The following SPAG9 variants were observed in gnomAD, a reference collection of about 807,000 sequenced individuals.
SPAG9 encodes sperm associated antigen 9, also known as C-Jun-amino-terminal kinase-interacting protein 4.
A neutral mutation model predicts 166.5 loss-of-function variants in SPAG9; 35 were observed. That is an observed-to-expected ratio of 0.21 (90% CI 0.16 to 0.28). SPAG9 has a LOEUF of 0.28. SPAG9 is among the 10% of genes least tolerant of loss of function. SPAG9 has a pLI of 1.00. For synonymous variants in SPAG9, 534 were observed against 565.5 expected (o/e 0.94, Z 0.79); for missense variants, 1,235 against 1,603.3 (o/e 0.77, Z 3.92).
intron 6 of SPAG9, among the ~76,000 whole-genome samples, chr17:51,025,093 T>G (rs1446834936): frequency 2.0e-5 from 3 of 147,644 alleles, no homozygotes; most frequent in Non-Finnish European, 4.5e-5. Flanking sequence ...CCGAGATAGG[T>G]GGATTAGTTG....
chr17:51,002,628 C>T (rs1389388326), intron 12 of SPAG9, among the ~76,000 whole-genome samples: 1 of 151,612 alleles, frequency 6.6e-6, no homozygotes, highest in Non-Finnish European at 1.5e-5. Context: ...AGTGGTGGCA[C>T]ACACCTGTAG....
At chr17:50,985,492 T>G (rs886341468) in intron 23 of SPAG9, among the ~76,000 whole-genome samples, 3 of 151,298 alleles carry the variant, frequency 2.0e-5, no homozygotes, top group South Asian at 2.1e-4. Flanking sequence ...GAGGACTCAA[T>G]CAAGCAAGTT....
At chr17:51,009,742 A>G (rs565703605) in intron 9 of SPAG9, among the ~76,000 whole-genome samples, 1 of 152,210 alleles carries the variant, frequency 6.6e-6, no homozygotes, top group Non-Finnish European at 1.5e-5. Context: ...AGTCATGAGG[A>G]TACCAAATGG....
chr17:51,075,617 A>T (rs890693980), intron 2 of SPAG9, among the ~76,000 whole-genome samples: 1 of 152,152 alleles, frequency 6.6e-6, no homozygotes, highest in Non-Finnish European at 1.5e-5. Flanking sequence ...TGAGACCAGG[A>T]GTTCGAGACC....
At chr17:51,060,878 C>T (rs191165054) in intron 2 of SPAG9, among the ~76,000 whole-genome samples, 45 of 147,746 alleles carry the variant, frequency 3.0e-4, no homozygotes, top group African/African-American at 1.1e-3. Flanking sequence ...GACAGAGTCT[C>T]ACTCTGTCCC....
chr17:50,990,018 C>A, intron 20 of SPAG9, 146 bp from the exon 21 acceptor site: 1 of 719,568 alleles, frequency 1.4e-6, no homozygotes, highest in Non-Finnish European at 2.3e-6. Context: ...TTCCATTTAA[C>A]AGTCATTACA....
intron 24 of SPAG9, 35 bp from the exon 25 acceptor site, chr17:50,982,707 AC>A (rs1224539282): frequency 6.5e-7 from 1 of 1,529,254 alleles, no homozygotes; most frequent in African/African-American, 1.4e-5. Flanking sequence ...GTAAATACAT[AC>A]CACCTGTTAC....
chr17:51,021,319 G>A lies in SPAG9; in HGVS notation c.830C>T (p.Pro277Leu), dbSNP rs773336150. The A allele has an allele frequency of 1.4e-5, 23 of 1,613,900 alleles. No homozygotes were observed. The highest frequency in any genetic ancestry group is 1.7e-5 in the Non-Finnish European group (20 of 1,179,940). Residue 277 changes from proline to leucine, a missense_variant, in exon 7 of 30, where the codon CCA (proline) becomes CTA (leucine). This residue lies in a region of SPAG9 where 288 missense variants were observed against 323.7 expected (regional missense o/e 0.89). Coordinates refer to ENST00000262013, the MANE Select transcript of SPAG9 (RefSeq NM_001130528.3). ...CACATCTGAATTAGCTGTTGATGCT[G>A]GAGTGGTAGCTTTAGATCCGCCTTG... ...VSQGGSKATT[P>L]ASTANSDVAT... is the part of the protein sequence containing the mutation.
intron 19 of SPAG9, among the ~76,000 whole-genome samples, chr17:50,993,233 T>C (rs1236069172): frequency 4.0e-5 from 6 of 150,838 alleles, no homozygotes; most frequent in Admixed American, 2.0e-4. Context: ...GGAGAATCAC[T>C]TGAACCTGGA....
intron 9 of SPAG9, among the ~76,000 whole-genome samples, chr17:51,012,848 A>C (rs1393884237): frequency 6.6e-6 from 1 of 151,292 alleles, no homozygotes; most frequent in Non-Finnish European, 1.5e-5. Flanking sequence ...CCCGGGTTCA[A>C]GCCATCCTCA....
At chr17:51,019,113 T>C (rs543753806) in intron 8 of SPAG9, among the ~76,000 whole-genome samples, 22 of 152,310 alleles carry the variant, frequency 1.4e-4, no homozygotes, top group African/African-American at 5.3e-4. Context: ...CCTTCTTCTA[T>C]GTGAAGACAC....
At chr17:51,098,649 C>A (rs544074453) in intron 1 of SPAG9, among the ~76,000 whole-genome samples, 1 of 152,070 alleles carries the variant, frequency 6.6e-6, no homozygotes, top group Non-Finnish European at 1.5e-5. Context: ...TCTGCCACCA[C>A]GCCAGACTAA....
chr17:50,999,447 A>G (rs1597954149), intron 14 of SPAG9: 2 of 1,489,014 alleles, frequency 1.3e-6, no homozygotes, highest in African/African-American at 1.4e-5. Flanking sequence ...TTACGATATC[A>G]TATTTTTTGT....
chr17:51,102,307 G>A (rs1394826870), intron 1 of SPAG9, among the ~76,000 whole-genome samples: 2 of 151,654 alleles, frequency 1.3e-5, no homozygotes, highest in East Asian at 3.9e-4. Flanking sequence ...GGAAGGCTGA[G>A]GCACGAGAAT....
At chr17:51,065,891 G>A (rs2047649304) in intron 2 of SPAG9, among the ~76,000 whole-genome samples, 1 of 152,116 alleles carries the variant, frequency 6.6e-6, no homozygotes, top group Non-Finnish European at 1.5e-5. Flanking sequence ...AGGGGGAAAT[G>A]CCCATGTCTC....
chr17:50,993,177 G>A (rs1230564106), intron 19 of SPAG9, among the ~76,000 whole-genome samples: 9 of 151,268 alleles, frequency 5.9e-5, no homozygotes, highest in Non-Finnish European at 1.3e-4. Flanking sequence ...TTAGCCGGGC[G>A]TGGTGGCAGG....
intron 1 of SPAG9, among the ~76,000 whole-genome samples, chr17:51,091,962 T>C (rs1351567706): frequency 3.4e-5 from 5 of 145,444 alleles, no homozygotes; most frequent in African/African-American, 1.3e-4. Flanking sequence ...ATGAATACTT[T>C]GAAAAGACAA....
chr17:51,050,395 T>C (rs1267118762), intron 3 of SPAG9, among the ~76,000 whole-genome samples: 2 of 152,236 alleles, frequency 1.3e-5, no homozygotes, highest in African/African-American at 4.8e-5. Flanking sequence ...CATGATTTCA[T>C]AGGTAAACTC....
At chr17:51,112,561 C>G (rs1039886795) in intron 1 of SPAG9, among the ~76,000 whole-genome samples, 1 of 149,420 alleles carries the variant, frequency 6.7e-6, no homozygotes, top group Non-Finnish European at 1.5e-5. Flanking sequence ...GTCCCAGCTA[C>G]TCAGGAGGCT....
Sources: gnomAD v4.1 joint callset for allele counts (sites outside exome capture counted in the v4.1 genomes callset) on GRCh38, gnomAD v4.1.1 for gene constraint, gnomAD v4.1.1 regional missense constraint, MANE v1.5 for transcripts, NCBI Gene and HGNC (gene_info 2026-07-23, HGNC 2026-07-21) for gene names.